The following DLGAP1 variants were observed in gnomAD, a reference collection of about 807,000 sequenced individuals.
DLGAP1 encodes the protein disks large-associated protein 1.
Under a neutral mutation model 90.8 loss-of-function variants are expected in DLGAP1, and 11 were observed. The ratio of observed to expected loss-of-function variants is 0.12; its 90% CI spans 0.08 to 0.20. The LOEUF (loss-of-function observed/expected upper bound fraction) is 0.20, where lower values mean the gene tolerates loss of function less well. Among genes scored for constraint, DLGAP1 ranks in the 10% least tolerant of loss-of-function variants. The pLI is 1.00. For synonymous variants in DLGAP1, 558 were observed against 540.7 expected, an observed-to-expected ratio of 1.03 and a Z score of -0.44; for missense variants, 1,050 against 1,333.8, an observed-to-expected ratio of 0.79 and a Z score of 3.31.
chr18:4,014,959 T>C (rs16945873), intron 2 of DLGAP1, among the ~76,000 whole-genome samples: 32,965 of 152,164 alleles, frequency 0.22, 3,990 homozygotes, highest in African/African-American at 0.29. Context: ...TTAGTTCATA[T>C]GGCCCTGCCT....
chr18:4,065,351 G>T (rs947709469), intron 2 of DLGAP1, among the ~76,000 whole-genome samples: 3 of 152,064 alleles, frequency 2.0e-5, no homozygotes, highest in African/African-American at 7.2e-5. Context: ...GAAATAAAGG[G>T]CATTTAAATA....
chr18:3,901,422 TAC>T (rs1372144273), intron 3 of DLGAP1, among the ~76,000 whole-genome samples: 2 of 152,128 alleles, frequency 1.3e-5, no homozygotes, highest in Non-Finnish European at 2.9e-5. Context: ...CTTTCTGCTT[TAC>T]ACCCCGTCCA....
chr18:3,725,380 G>C (rs935572199), intron 7 of DLGAP1, among the ~76,000 whole-genome samples: 1 of 152,142 alleles, frequency 6.6e-6, no homozygotes, highest in Non-Finnish European at 1.5e-5. Context: ...AATTGCATTG[G>C]TATATTCCTT....
chr18:4,446,271 T>C (rs192900124), intron 1 of DLGAP1, among the ~76,000 whole-genome samples: 107 of 152,276 alleles, frequency 7.0e-4, no homozygotes, highest in African/African-American at 2.3e-3. Context: ...AATGGGATTG[T>C]TGCTCTTTTG....
intron 3 of DLGAP1, among the ~76,000 whole-genome samples, chr18:3,975,288 A>G (rs72864983): frequency 6.6e-6 from 1 of 152,200 alleles, no homozygotes; most frequent in African/African-American, 2.4e-5. Flanking sequence ...AAAATGGGCA[A>G]GGAAATTGAA....
chr18:3,928,303 T>C (rs1490335879), intron 3 of DLGAP1, among the ~76,000 whole-genome samples: 2 of 152,234 alleles, frequency 1.3e-5, no homozygotes, highest in East Asian at 1.9e-4. Context: ...GTTGTTGCCA[T>C]GTTGATGCTC....
chr18:3,892,814 A>G (rs1383954149), intron 3 of DLGAP1, among the ~76,000 whole-genome samples: 3 of 151,630 alleles, frequency 2.0e-5, no homozygotes, highest in Non-Finnish European at 1.5e-5. Context: ...TTTTTAGGAC[A>G]GTGTGCAATT....
chr18:3,569,959 G>T (rs1201265334), intron 8 of DLGAP1, among the ~76,000 whole-genome samples: 3 of 151,890 alleles, frequency 2.0e-5, no homozygotes, highest in Non-Finnish European at 4.4e-5. Context: ...CTTTTGTACT[G>T]TATTTTTACT....
intron 1 of DLGAP1, among the ~76,000 whole-genome samples, chr18:4,297,943 A>T (rs1444201109): frequency 6.6e-6 from 1 of 152,148 alleles, no homozygotes; most frequent in East Asian, 1.9e-4. Context: ...AGGACTGGGA[A>T]CTAGAGCCAC....
intron 4 of DLGAP1, among the ~76,000 whole-genome samples, chr18:3,853,901 A>G (rs183916601): frequency 2.7e-4 from 41 of 151,858 alleles, no homozygotes; most frequent in African/African-American, 9.7e-4. Flanking sequence ...CCCTTTTTTC[A>G]TTTCTGTTAG....
At chr18:3,723,914 C>A (rs2062064723) in intron 7 of DLGAP1, among the ~76,000 whole-genome samples, 1 of 152,158 alleles carries the variant, frequency 6.6e-6, no homozygotes, top group Non-Finnish European at 1.5e-5. Flanking sequence ...AGAGGGTAAG[C>A]ACTGCTTTCC....
At chr18:4,028,100 C>G (rs908012294) in intron 2 of DLGAP1, among the ~76,000 whole-genome samples, 6 of 152,150 alleles carry the variant, frequency 3.9e-5, no homozygotes, top group Non-Finnish European at 8.8e-5. Flanking sequence ...TAGAAACAAA[C>G]CCAAGATTGT....
rs2051626358 is a variant in DLGAP1, at chr18:3,526,478, G to A, written c.2479+7716C>T. On this transcript the variant is annotated intron_variant, in intron 10 of 12. Coordinates refer to ENST00000315677, the MANE Select transcript of DLGAP1 (RefSeq NM_004746.4). This position sits in a 1 kb window ranked among gnomAD's most constrained non-coding sequence, Gnocchi z 4.7. ...GCCAAGGGTCCCAAGCCTTCTAGGG[G>A]ACTGAAGGCCAAGTTTCACTAGCTT... Among the ~76,000 whole-genome samples, 1 of 152,218 alleles carries A rather than the reference G, an allele frequency of 6.6e-6. No homozygotes were observed. Among genetic ancestry groups the A allele is most frequent in the Non-Finnish European group, 1.5e-5 (1 of 68,034 alleles).
chr18:4,001,662 T>G (rs2074188416), intron 3 of DLGAP1, among the ~76,000 whole-genome samples: 1 of 152,224 alleles, frequency 6.6e-6, no homozygotes, highest in East Asian at 1.9e-4. Flanking sequence ...TTCTTTCTTT[T>G]GCCTCCTTTG....
At chr18:3,752,612 T>G in intron 5 of DLGAP1, among the ~76,000 whole-genome samples, 1 of 137,282 alleles carries the variant, frequency 7.3e-6, no homozygotes, top group African/African-American at 2.7e-5. Flanking sequence ...CTCTCTCTCT[T>G]TCTCCCTCTC....
intron 2 of DLGAP1, among the ~76,000 whole-genome samples, chr18:4,050,267 G>GA (rs150194232): frequency 0.037 from 5,636 of 151,848 alleles, 192 homozygotes; most frequent in African/African-American, 0.083. Context: ...AACTTTAGGA[G>GA]AAAAAAAATG....
chr18:4,368,095 G>GA (rs932966280), intron 1 of DLGAP1, among the ~76,000 whole-genome samples: 8 of 151,342 alleles, frequency 5.3e-5, no homozygotes, highest in Non-Finnish European at 7.4e-5. Context: ...CGATTCTAAG[G>GA]AAAAAAAACA....
At chr18:3,720,895 A>AAAAAAAAAAAAAAAAAAAAG (rs2061953800) in intron 7 of DLGAP1, among the ~76,000 whole-genome samples, 2 of 140,408 alleles carry the variant, frequency 1.4e-5, no homozygotes, top group African/African-American at 5.7e-5. Flanking sequence ...CTACAAAAAA[A>AAAAAAAAAAAAAAAAAAAAG]AAAAAAAAAA....
intron 5 of DLGAP1, among the ~76,000 whole-genome samples, chr18:3,767,594 C>G (rs557929541): frequency 9.5e-4 from 144 of 152,088 alleles, no homozygotes; most frequent in Admixed American, 3.7e-3. Flanking sequence ...ATTCCACTTT[C>G]AGAAATGCAA....
Sources: gnomAD v4.1 joint callset for allele counts (sites outside exome capture counted in the v4.1 genomes callset) on GRCh38, gnomAD v4.1.1 for gene constraint, Gnocchi (gnomAD v3.1) non-coding constraint, MANE v1.5 for transcripts, NCBI Gene and HGNC (gene_info 2026-07-23, HGNC 2026-07-21) for gene names.